Variants in ADCY9 observed in about 807,000 individuals in gnomAD.
The protein encoded by ADCY9 is adenylate cyclase type 9.
Under a neutral mutation model 101.5 loss-of-function variants are expected in ADCY9, and 50 were observed. The ratio of observed to expected loss-of-function variants is 0.49; its 90% CI spans 0.39 to 0.62. ADCY9 has a LOEUF of 0.62. ADCY9 is among the 20% of genes least tolerant of loss of function. ADCY9 has a pLI of 0.00. For missense variants in ADCY9, 1,662 were observed against 1,800.4 expected (o/e 0.92, Z 1.39); for synonymous variants, 905 against 769.3 (o/e 1.18, Z -2.92).
chr16:4,043,103 C>A (rs929019270), intron 2 of ADCY9, among the ~76,000 whole-genome samples: 6 of 151,980 alleles, frequency 3.9e-5, no homozygotes, highest in South Asian at 2.1e-4. Flanking sequence ...TGGTGGCGGG[C>A]GACTGAAGTC....
At chr16:3,985,476 C>T (rs1041939897) in intron 6 of ADCY9, among the ~76,000 whole-genome samples, 1 of 152,196 alleles carries the variant, frequency 6.6e-6, no homozygotes, top group Non-Finnish European at 1.5e-5. Flanking sequence ...CATGCCCACT[C>T]ACCTTGGCAG....
chr16:3,956,843 T>A (rs2055909368), intron 5 of ADCY9, among the ~76,000 whole-genome samples: 1 of 151,962 alleles, frequency 6.6e-6, no homozygotes, highest in Non-Finnish European at 1.5e-5. Flanking sequence ...AAACCTTGCC[T>A]CTCCCCTATG....
At chr16:4,110,078 C>A (rs1342407594) in intron 2 of ADCY9, among the ~76,000 whole-genome samples, 6 of 152,172 alleles carry the variant, frequency 3.9e-5, no homozygotes, top group Non-Finnish European at 5.9e-5. Flanking sequence ...CCAGCAGGAG[C>A]CCCCTCTAAA....
chr16:4,045,286 C>A (rs2056654832), intron 2 of ADCY9, among the ~76,000 whole-genome samples: 1 of 152,054 alleles, frequency 6.6e-6, no homozygotes. Context: ...ACAGTTTAAT[C>A]TCTGTTTAGT....
chr16:4,005,738 G>A (rs1213759861), intron 3 of ADCY9, among the ~76,000 whole-genome samples: 4 of 152,144 alleles, frequency 2.6e-5, no homozygotes, highest in Non-Finnish European at 4.4e-5. Flanking sequence ...CTCTGCGACC[G>A]CATCCCCTAA....
At chr16:3,983,464 G>C in intron 6 of ADCY9, 24 bp from the exon 7 acceptor site, 1 of 1,577,808 alleles carries the variant, frequency 6.3e-7, no homozygotes, top group Non-Finnish European at 8.6e-7. Flanking sequence ...GAGTGGAGCA[G>C]AATGACTGGG....
rs1365859902 is a variant in ADCY9, at chr16:3,962,959, G to A, written c.*2816C>T. ...CCGGATCGTGTGCAAATGTGCAGGG[G>A]GAGCCCCCGCGGGTGACGTCAGTGT... On this transcript the variant is annotated 3_prime_UTR_variant, in exon 11 of 11. Transcript: ENST00000294016. 1 of 152,972 alleles carries A rather than the reference G, an allele frequency of 6.5e-6. No homozygotes were observed. The highest frequency in any genetic ancestry group is 1.5e-5 in the Non-Finnish European group (1 of 68,488). 9.5% of individuals were successfully genotyped at this position (152,972 alleles called of 1,614,324 possible). A position where few individuals can be genotyped will look rare whatever the true frequency, so the allele number is the denominator to read the frequency against.
intron 2 of ADCY9, among the ~76,000 whole-genome samples, chr16:4,028,246 C>T (rs75663379): frequency 0.024 from 3,652 of 152,230 alleles, 156 homozygotes; most frequent in African/African-American, 0.083. Context: ...TACAATCTTG[C>T]AATTCCAATC....
At position 4,068,391 on chromosome 16, in the gene ADCY9, C is replaced by T. The variant is rs555851000; in HGVS notation, c.1693+45359G>A. On this transcript the variant is annotated intron_variant, in intron 2 of 10. Coordinates refer to ENST00000294016, the MANE Select transcript of ADCY9 (RefSeq NM_001116.4). Reference sequence around the variant, plus strand: ...CTAATCCCACTGTAAAGAACACGCGCTATATATAAATTTGTATATATCCTT... The same window carrying T: ...CTAATCCCACTGTAAAGAACACGCGTTATATATAAATTTGTATATATCCTT... Among the ~76,000 whole-genome samples the T allele has an allele frequency of 3.6e-4, 55 of 152,068 alleles. 1 individual carries two copies. Among genetic ancestry groups the T allele is most frequent in the African/African-American group, 1.2e-3 (48 of 41,502 alleles).
chr16:4,052,892 T>C (rs2056710858), intron 2 of ADCY9, among the ~76,000 whole-genome samples: 1 of 152,192 alleles, frequency 6.6e-6, no homozygotes. Flanking sequence ...AAGTCACACA[T>C]TGCATAATCA....
chr16:4,040,606 GCCA>G (rs1424911461), intron 2 of ADCY9, among the ~76,000 whole-genome samples: 1 of 152,054 alleles, frequency 6.6e-6, no homozygotes, highest in Non-Finnish European at 1.5e-5. Context: ...ACAGGCAGCC[GCCA>G]CCACACCTGG....
chr16:4,022,490 C>CAAAAA (rs58498676), intron 2 of ADCY9, among the ~76,000 whole-genome samples: 19 of 64,964 alleles, frequency 2.9e-4, no homozygotes, highest in East Asian at 5.5e-4. Context: ...GACTCCGTCT[C>CAAAAA]AAAAAAAAAA....
intron 2 of ADCY9, among the ~76,000 whole-genome samples, chr16:4,034,228 C>T (rs146665547): frequency 3.3e-5 from 5 of 152,266 alleles, no homozygotes; most frequent in East Asian, 3.9e-4. Context: ...GCCAAGGTGA[C>T]GCAAAACGAA....
At chr16:4,098,890 T>C (rs2057025367) in intron 2 of ADCY9, among the ~76,000 whole-genome samples, 1 of 141,940 alleles carries the variant, frequency 7.0e-6, no homozygotes, top group Admixed American at 7.2e-5. Flanking sequence ...ATCTACATTT[T>C]GGTTTGGGAT....
At chr16:4,036,955 G>C (rs1250822152) in intron 2 of ADCY9, among the ~76,000 whole-genome samples, 2 of 151,974 alleles carry the variant, frequency 1.3e-5, no homozygotes, top group Non-Finnish European at 2.9e-5. Flanking sequence ...ACCTCCATGT[G>C]ATCAAACCTT....
chr16:3,987,680 C>A (rs1419378054), intron 6 of ADCY9, among the ~76,000 whole-genome samples: 1 of 152,202 alleles, frequency 6.6e-6, no homozygotes, highest in East Asian at 1.9e-4. Context: ...ACCTCCCACC[C>A]CACGAGGCAT....
At chr16:4,113,716 G>A in intron 2 of ADCY9, 34 bp downstream of exon 2, 1 of 1,588,040 alleles carries the variant, frequency 6.3e-7, no homozygotes, top group East Asian at 2.3e-5. Flanking sequence ...CAGGATCAGG[G>A]AGGGGGGATG....
intron 5 of ADCY9, among the ~76,000 whole-genome samples, chr16:3,956,506 G>GGC (rs1555504587): frequency 0.012 from 133 of 10,934 alleles, no homozygotes; most frequent in African/African-American, 0.026. Context: ...TTTTTTTTGG[G>GGC]GGGGGATGGA....
intron 2 of ADCY9, among the ~76,000 whole-genome samples, chr16:4,034,496 G>A (rs141029081): frequency 6.0e-4 from 92 of 152,182 alleles, no homozygotes; most frequent in African/African-American, 1.9e-3. Flanking sequence ...TGCAACCTCC[G>A]CCTCCCAGGT....
Sources: allele counts gnomAD v4.1 joint callset (sites outside exome capture counted in the v4.1 genomes callset), GRCh38; gene constraint gnomAD v4.1.1; transcripts MANE v1.5; gene names NCBI Gene and HGNC (gene_info 2026-07-23, HGNC 2026-07-21).